The following CFAP57 variants were observed in gnomAD, a reference collection of about 807,000 sequenced individuals.
CFAP57 encodes cilia- and flagella-associated protein 57.
CFAP57 carries 116 observed loss-of-function variants against 146.8 expected under a neutral mutation model. The ratio of observed to expected loss-of-function variants is 0.79; its 90% CI spans 0.68 to 0.92. CFAP57 has a LOEUF of 0.92. CFAP57 is among the 40% of genes least tolerant of loss of function. CFAP57 has a pLI of 0.00. For missense variants in CFAP57, 1,377 were observed against 1,527.2 expected (o/e 0.90, Z 1.64); for synonymous variants, 518 against 552.8 (o/e 0.94, Z 0.88).
intron 18 of CFAP57, among the ~76,000 whole-genome samples, chr1:43,227,711 C>T (rs542573685): frequency 1.8e-4 from 27 of 152,182 alleles, no homozygotes; most frequent in African/African-American, 6.5e-4. Flanking sequence ...TCCCCCATGC[C>T]CCCCACCACA....
chr1:43,228,002 T>C (rs1645319381), intron 18 of CFAP57, among the ~76,000 whole-genome samples: 1 of 152,200 alleles, frequency 6.6e-6, no homozygotes, highest in South Asian at 2.1e-4. Flanking sequence ...CCTTTCCCGC[T>C]GCTGCTATCA....
At chr1:43,224,547 T>C (rs1645170740) in intron 17 of CFAP57, among the ~76,000 whole-genome samples, 1 of 152,158 alleles carries the variant, frequency 6.6e-6, no homozygotes. Context: ...GCTCCAGGCA[T>C]CCTTGGAGGC....
In CFAP57 at chr1:43,222,093, G is replaced by T; in HGVS notation, c.2342-12G>T. On this transcript the variant is annotated splice_polypyrimidine_tract_variant and intron_variant, in intron 14 of 22. Coordinates refer to ENST00000372492, the MANE Select transcript of CFAP57 (RefSeq NM_001378189.1). ...CTCTCCCACCTTAAATACCATCCTT[G>T]CTTCTCTCCAGAATGTTGCAACAAC... is the stretch of plus-strand genomic sequence containing the variant. 1 of 1,540,276 alleles carries T rather than the reference G, an allele frequency of 6.5e-7. No homozygotes were observed. The highest frequency in any genetic ancestry group is 1.4e-5 in the African/African-American group (1 of 72,658).
intron 11 of CFAP57, chr1:43,211,006 G>C (rs1391655082): frequency 6.6e-6 from 1 of 151,268 alleles, no homozygotes; most frequent in Non-Finnish European, 1.5e-5. Context: ...GAAGGTATGT[G>C]TCTCTTCTTC....
At chr1:43,192,330 T>C (rs558330019) in intron 6 of CFAP57, among the ~76,000 whole-genome samples, 53 of 152,248 alleles carry the variant, frequency 3.5e-4, no homozygotes, top group African/African-American at 1.2e-3. Flanking sequence ...TTGAAAGTGG[T>C]GTATTGCATG....
intron 2 of CFAP57, among the ~76,000 whole-genome samples, chr1:43,176,860 A>G (rs1045514908): frequency 6.6e-6 from 1 of 152,108 alleles, no homozygotes; most frequent in Non-Finnish European, 1.5e-5. Flanking sequence ...GGCTGTGCTG[A>G]TGTGGGAGGG....
At chr1:43,198,783 G>A in intron 8 of CFAP57, 137 bp downstream of exon 8, 1 of 877,154 alleles carries the variant, frequency 1.1e-6, no homozygotes, top group Non-Finnish European at 1.8e-6. Flanking sequence ...AAAGGGGGAA[G>A]GAGGAAATCC....
In CFAP57 at chr1:43,185,225, A is replaced by T; in HGVS notation, c.838A>T (p.Met280Leu). The T allele has an allele frequency of 6.2e-7, 1 of 1,614,198 alleles. No homozygotes were observed. The highest frequency in any genetic ancestry group is 8.5e-7 in the Non-Finnish European group (1 of 1,180,036). ...GGTGGCGGCCAGTAGCCATAGCCAG[A>T]TGTCCATGCCCCAGGTGTTTGCCAT... ...QMVAASSHSQ[M>L]SMPQVFAIAA... Residue 280 changes from methionine (M) to leucine (L), a missense_variant, in exon 5 of 23, where the codon ATG becomes TTG. Transcript: ENST00000372492.
At chr1:43,184,663 ATCCTGTAGATTCTTCT>A (rs1458284887) in intron 4 of CFAP57, among the ~76,000 whole-genome samples, 1 of 149,444 alleles carries the variant, frequency 6.7e-6, no homozygotes, top group East Asian at 2.0e-4. Flanking sequence ...CCCCAATGAC[ATCCTGTAGATTCTTCT>A]TCCTCAGTAA....
At chr1:43,253,911 G>A in intron 22 of CFAP57, 66 bp from the exon 23 acceptor site, 2 of 1,380,956 alleles carry the variant, frequency 1.4e-6, no homozygotes, top group Non-Finnish European at 2.0e-6. Context: ...AGGGAGGGAG[G>A]AGGGGAGGAT....
At chr1:43,233,487 T>TA (rs79375692) in intron 19 of CFAP57, among the ~76,000 whole-genome samples, 12,318 of 139,108 alleles carry the variant, frequency 0.089, 604 homozygotes, top group African/African-American at 0.13. Flanking sequence ...AGACTCCGTC[T>TA]AAAAAAAAAA....
At chr1:43,221,748 C>T (rs562524062) in intron 14 of CFAP57, among the ~76,000 whole-genome samples, 1 of 152,310 alleles carries the variant, frequency 6.6e-6, no homozygotes, top group East Asian at 1.9e-4. Context: ...ACGTACTTGC[C>T]AGGTGCTCTG....
intron 9 of CFAP57, among the ~76,000 whole-genome samples, chr1:43,204,954 G>A (rs74068523): frequency 0.013 from 1,972 of 152,228 alleles, 46 homozygotes; most frequent in African/African-American, 0.045. Flanking sequence ...TTAATGTTCC[G>A]CATTTGGTAG....
intron 22 of CFAP57, among the ~76,000 whole-genome samples, chr1:43,252,619 A>G (rs1293516776): frequency 6.6e-6 from 1 of 152,122 alleles, no homozygotes; most frequent in Non-Finnish European, 1.5e-5. Flanking sequence ...GTGAAAATCA[A>G]CAACAACAAA....
Position 43,234,533 on chromosome 1 carries a change from G to A in CFAP57, c.3300G>A (p.Glu1100=). ...IAGLNTDLQQ[E]YTRQREHLER... Reference sequence around the variant, plus strand: ...GGCTGAACACAGACCTGCAGCAGGAGTACACCCGGCAGCGGGAGCACCTGG... The same window carrying A: ...GGCTGAACACAGACCTGCAGCAGGAATACACCCGGCAGCGGGAGCACCTGG... The change falls in exon 21 of 23, where the codon GAG becomes GAA. Residue 1100 remains glutamate, a synonymous_variant. Transcript: ENST00000372492. 2 of 1,550,382 alleles carry A rather than the reference G, an allele frequency of 1.3e-6. No homozygotes were observed. Among genetic ancestry groups the A allele is most frequent in the Non-Finnish European group, 1.7e-6 (2 of 1,146,888 alleles).
In CFAP57 at chr1:43,186,837, T is replaced by C. The variant is rs756774353; in HGVS notation, c.1100T>C (p.Met367Thr). 44 of 1,614,072 alleles carry C rather than the reference T, an allele frequency of 2.7e-5. No individual in the cohort carries two copies. The highest frequency in any genetic ancestry group is 3.5e-5 in the Non-Finnish European group (41 of 1,180,040). ...AAGAACCAACTCTACAGCATCACCA[T>C]GTCCCTGACAGAGATCAGCAAGGTG... The part of the protein sequence containing the change: ...TSKNQLYSIT[M>T]SLTEISKGEP... The change falls in exon 6 of 23, where the codon ATG (methionine) becomes ACG (threonine). Residue 367 changes from methionine (M) to threonine (T), a missense_variant. By Grantham distance (81) the Met-to-Thr change is moderately conservative. Transcript: ENST00000372492.
chr1:43,221,970 G>A, intron 14 of CFAP57, 135 bp from the exon 15 acceptor site: 1 of 673,412 alleles, frequency 1.5e-6, no homozygotes, highest in Non-Finnish European at 2.3e-6. Flanking sequence ...AAGCTAGGCA[G>A]GCATTTGAAT....
At chr1:43,219,698 C>A in intron 13 of CFAP57, 161 bp downstream of exon 13, 1 of 908,514 alleles carries the variant, frequency 1.1e-6, no homozygotes, top group Non-Finnish European at 1.6e-6. Flanking sequence ...TACAACTGGC[C>A]AGGCACAGTG....
chr1:43,212,085 G>A (rs545326570), intron 11 of CFAP57, among the ~76,000 whole-genome samples: 6 of 152,296 alleles, frequency 3.9e-5, no homozygotes, highest in South Asian at 2.1e-4. Context: ...CAGAGTTCCC[G>A]TGTATCCCTC....
Sources: gnomAD v4.1 joint callset for allele counts (sites outside exome capture counted in the v4.1 genomes callset) on GRCh38, gnomAD v4.1.1 for gene constraint, MANE v1.5 for transcripts, NCBI Gene and HGNC (gene_info 2026-07-23, HGNC 2026-07-21) for gene names.